SGCZ: variants seen among roughly 807,000 people sequenced by gnomAD.
The protein encoded by SGCZ is sarcoglycan zeta, also known as zeta-sarcoglycan.
A neutral mutation model predicts 41.3 loss-of-function variants in SGCZ; 40 were observed. That is an observed-to-expected ratio of 0.97 (90% CI 0.75 to 1.26). The LOEUF is 1.26. Among genes scored for constraint, SGCZ ranks in the 50% most tolerant of loss-of-function variants. The pLI is 0.00. For missense variants in SGCZ, 552 were observed against 369.8 expected (o/e 1.49, Z -4.04); for synonymous variants, 206 against 137.5 (o/e 1.50, Z -3.49).
At chr8:15,208,262 T>A (rs554928357) in intron 1 of SGCZ, among the ~76,000 whole-genome samples, 1 of 152,210 alleles carries the variant, frequency 6.6e-6, no homozygotes, top group Non-Finnish European at 1.5e-5. Context: ...AGTGATGCCA[T>A]TGATTATTCC....
rs1279670581 is a variant in SGCZ at position 14,634,916 on chromosome 8, A to G, written c.40-79990T>C. ...TATCATAATTTTATTAAAAATATAT[A>G]CATAGTAACTATTGATAATATTGTT... On this transcript the variant is annotated intron_variant, in intron 1 of 7. Coordinates refer to ENST00000382080, the MANE Select transcript of SGCZ (RefSeq NM_139167.4). Among the ~76,000 whole-genome samples the G allele has an allele frequency of 8.6e-5, 13 of 151,920 alleles. No homozygotes were observed. In the Admixed American group the frequency reaches 8.6e-4, roughly 10 times the overall value.
intron 1 of SGCZ, among the ~76,000 whole-genome samples, chr8:14,880,415 A>G (rs1804543887): frequency 6.6e-6 from 1 of 152,172 alleles, no homozygotes; most frequent in South Asian, 2.1e-4. Context: ...GTGATGTAGA[A>G]CTAGAAATAC....
chr8:14,985,264 A>G (rs770537869), intron 1 of SGCZ, among the ~76,000 whole-genome samples: 4 of 152,146 alleles, frequency 2.6e-5, no homozygotes, highest in Non-Finnish European at 5.9e-5. Context: ...AATGGAGAGA[A>G]TAAAGCATCC....
chr8:14,247,876 G>A (rs1278258292), intron 3 of SGCZ, among the ~76,000 whole-genome samples: 2 of 152,306 alleles, frequency 1.3e-5, no homozygotes, highest in East Asian at 3.9e-4. Flanking sequence ...TGTTGACTAA[G>A]TAGAATTTAG....
intron 2 of SGCZ, among the ~76,000 whole-genome samples, chr8:14,437,784 T>G (rs1212028738): frequency 6.6e-6 from 1 of 151,810 alleles, no homozygotes; most frequent in East Asian, 1.9e-4. Context: ...AATTTTATTT[T>G]TACATTTTGT....
At chr8:15,063,317 G>T (rs1805006472) in intron 1 of SGCZ, among the ~76,000 whole-genome samples, 1 of 152,068 alleles carries the variant, frequency 6.6e-6, no homozygotes, top group Non-Finnish European at 1.5e-5. Context: ...AATGTGATTG[G>T]TTAATGATTA....
intron 2 of SGCZ, among the ~76,000 whole-genome samples, chr8:14,472,212 A>G (rs1318841244): frequency 6.6e-6 from 1 of 152,096 alleles, no homozygotes; most frequent in African/African-American, 2.4e-5. Context: ...TTAAATTCTC[A>G]GTAATCTTTT....
chr8:14,117,040 C>A (rs1320949276), intron 5 of SGCZ, among the ~76,000 whole-genome samples: 3 of 151,904 alleles, frequency 2.0e-5, no homozygotes, highest in African/African-American at 4.8e-5. Context: ...ATTATGGTAA[C>A]CTGTGTTTTA....
At chr8:14,130,309 T>C (rs1802999108) in intron 5 of SGCZ, among the ~76,000 whole-genome samples, 2 of 151,082 alleles carry the variant, frequency 1.3e-5, no homozygotes, top group South Asian at 4.2e-4. Context: ...AAACAAATGA[T>C]TCAAAATGTC....
chr8:14,273,645 T>A (rs1017412590), intron 3 of SGCZ, among the ~76,000 whole-genome samples: 2 of 152,096 alleles, frequency 1.3e-5, no homozygotes, highest in African/African-American at 4.8e-5. Context: ...AACAAGAAAA[T>A]CCAAAGGTCT....
Position 14,182,398 on chromosome 8 carries a change from C to T in SGCZ, c.425-17696G>A, listed in dbSNP as rs1365676975. On this transcript the variant is annotated intron_variant, in intron 4 of 7. Coordinates refer to ENST00000382080, the MANE Select transcript of SGCZ (RefSeq NM_139167.4). ...TTGCTCAAGCACAGTAGGCATAGAG[C>T]CAGAAAATTAGCTAAAAAGCAATTT... Among the ~76,000 whole-genome samples, 7 of 152,022 alleles carry T rather than the reference C, an allele frequency of 4.6e-5. No homozygotes were observed. The East Asian group carries it at 1.2e-3, about 25-fold the overall frequency.
intron 1 of SGCZ, among the ~76,000 whole-genome samples, chr8:14,809,714 C>G (rs1801681835): frequency 6.6e-6 from 1 of 152,052 alleles, no homozygotes; most frequent in Admixed American, 6.6e-5. Context: ...AATGTACATC[C>G]AAAGAAGTGA....
intron 2 of SGCZ, among the ~76,000 whole-genome samples, chr8:14,475,968 T>C (rs1801347557): frequency 6.6e-6 from 1 of 151,896 alleles, no homozygotes; most frequent in South Asian, 2.1e-4. Flanking sequence ...TGCGCCACCA[T>C]GCCTAGCTAT....
chr8:15,218,782 A>G (rs1389320073), intron 1 of SGCZ, among the ~76,000 whole-genome samples: 1 of 152,230 alleles, frequency 6.6e-6, no homozygotes, highest in Admixed American at 6.5e-5. Context: ...TGATGACTGT[A>G]CCCACATAAC....
intron 1 of SGCZ, among the ~76,000 whole-genome samples, chr8:15,088,817 T>C (rs1007912429): frequency 2.6e-5 from 4 of 152,112 alleles, no homozygotes; most frequent in Non-Finnish European, 5.9e-5. Context: ...AACAATCAGA[T>C]AAATAGGCCC....
At position 15,103,120 on chromosome 8, in the gene SGCZ, G is replaced by T. The variant is rs1046405542; in HGVS notation, c.39+134465C>A. On this transcript the variant is annotated intron_variant, in intron 1 of 7. Transcript: ENST00000382080. ...AAATAATAGAGAAATGACAGTCACA[G>T]CTCAGTGCAGTGGCTCAAGGCTGTA... 2.0e-5 allele frequency among the ~76,000 whole-genome samples: 3 copies of T among 152,192 alleles called. No homozygotes were observed. The South Asian group carries it at 6.2e-4, about 32-fold the overall frequency.
At chr8:14,841,138 G>C (rs1459972091) in intron 1 of SGCZ, among the ~76,000 whole-genome samples, 1 of 151,916 alleles carries the variant, frequency 6.6e-6, no homozygotes, top group Non-Finnish European at 1.5e-5. Context: ...TACAAAACTA[G>C]GTTATTTAAG....
In SGCZ at chr8:14,714,160, G is replaced by A. The variant is rs367899400; in HGVS notation, c.40-159234C>T. On this transcript the variant is annotated intron_variant, in intron 1 of 7. Transcript: ENST00000382080. ...TTTTTTGTATCTTTAGTAGAGATGG[G>A]GTTTCACCATGTTGGCCAGGCTGGT... Among the ~76,000 whole-genome samples, 3 of 152,064 alleles carry A rather than the reference G, an allele frequency of 2.0e-5. No homozygotes were observed. In the East Asian group the frequency reaches 5.8e-4, roughly 29 times the overall value.
chr8:14,922,768 T>C (rs1799629816), intron 1 of SGCZ, among the ~76,000 whole-genome samples: 1 of 152,156 alleles, frequency 6.6e-6, no homozygotes, highest in Non-Finnish European at 1.5e-5. Context: ...AAATAACAAT[T>C]CAGTGCAATA....
Sources: gnomAD v4.1 joint callset for allele counts (sites outside exome capture counted in the v4.1 genomes callset) on GRCh38, gnomAD v4.1.1 for gene constraint, MANE v1.5 for transcripts, NCBI Gene and HGNC (gene_info 2026-07-23, HGNC 2026-07-21) for gene names.